The following BABAM2 variants were observed in gnomAD, a reference collection of about 807,000 sequenced individuals.
The protein encoded by BABAM2 is BRISC and BRCA1-A complex member 2.
In BABAM2, 31 loss-of-function variants were observed where a neutral mutation model predicts 54.7. The observed-to-expected ratio is 0.57, with a 90% CI of 0.43 to 0.77. The LOEUF is 0.77. BABAM2 is among the 30% of genes least tolerant of loss of function. The probability of loss-of-function intolerance (pLI) is 0.00; values close to 1 mark genes in which losing one functional copy is unlikely to be tolerated. For missense variants in BABAM2, 364 were observed against 455.8 expected, an observed-to-expected ratio of 0.80 and a Z score of 1.83; for synonymous variants, 167 against 162.9, an observed-to-expected ratio of 1.03 and a Z score of -0.19.
chr2:28,252,883 T>G (rs941733813), intron 10 of BABAM2, among the ~76,000 whole-genome samples: 1 of 152,216 alleles, frequency 6.6e-6, no homozygotes, highest in Non-Finnish European at 1.5e-5. Flanking sequence ...TCTCAGTGAT[T>G]TTTGACATGC....
At chr2:28,300,413 A>G (rs1688018511) in intron 11 of BABAM2, among the ~76,000 whole-genome samples, 1 of 152,250 alleles carries the variant, frequency 6.6e-6, no homozygotes. Flanking sequence ...AAAAACAAGC[A>G]TATGCAAATA....
At chr2:28,294,520 T>C (rs1424265623) in intron 10 of BABAM2, among the ~76,000 whole-genome samples, 2 of 152,220 alleles carry the variant, frequency 1.3e-5, no homozygotes, top group Admixed American at 6.5e-5. Flanking sequence ...GTAATTATTT[T>C]ACTATGCATC....
intron 10 of BABAM2, among the ~76,000 whole-genome samples, chr2:28,281,525 G>A (rs1686359306): frequency 1.3e-5 from 2 of 152,202 alleles, no homozygotes; most frequent in Admixed American, 6.5e-5. Context: ...AGCCTTTCCA[G>A]AGATGGAAGC....
intron 7 of BABAM2, among the ~76,000 whole-genome samples, chr2:28,136,473 G>C (rs948848297): frequency 6.6e-6 from 1 of 152,246 alleles, no homozygotes; most frequent in African/African-American, 2.4e-5. Context: ...TCCATTGACA[G>C]GTCTGGCTGG....
chr2:28,015,719 T>C, intron 4 of BABAM2: 1 of 1,022,888 alleles, frequency 9.8e-7, no homozygotes, highest in Non-Finnish European at 1.3e-6. Context: ...GTGCTTTCTT[T>C]ATAAGGGAAT....
At chr2:28,261,223 T>C (rs1684496679) in intron 10 of BABAM2, among the ~76,000 whole-genome samples, 1 of 152,186 alleles carries the variant, frequency 6.6e-6, no homozygotes. Flanking sequence ...ATTACGGGCA[T>C]GAGCCACTGC....
At chr2:28,225,749 A>G (rs1278379736) in intron 7 of BABAM2, among the ~76,000 whole-genome samples, 2 of 151,840 alleles carry the variant, frequency 1.3e-5, no homozygotes, top group Admixed American at 1.3e-4. Context: ...CCCACAGTCC[A>G]CGAGTTGCCT....
At chr2:27,963,228 G>A (rs1224513556) in intron 3 of BABAM2, among the ~76,000 whole-genome samples, 2 of 152,304 alleles carry the variant, frequency 1.3e-5, no homozygotes, top group East Asian at 3.9e-4. Flanking sequence ...CCAGCACTTT[G>A]GGAGGCTGAA....
intron 11 of BABAM2, chr2:28,327,447 G>A (rs1690572465): frequency 4.4e-6 from 7 of 1,577,618 alleles, no homozygotes; most frequent in Non-Finnish European, 5.2e-6. Context: ...TGATCACTTT[G>A]GTAAGTATTT....
At chr2:28,144,603 G>C (rs564608141) in intron 7 of BABAM2, among the ~76,000 whole-genome samples, 1 of 152,216 alleles carries the variant, frequency 6.6e-6, no homozygotes, top group Admixed American at 6.5e-5. Flanking sequence ...CTGAATTAAG[G>C]CTCCTTCTCT....
intron 11 of BABAM2, among the ~76,000 whole-genome samples, chr2:28,302,192 G>A (rs951354829): frequency 1.3e-5 from 2 of 152,074 alleles, no homozygotes; most frequent in African/African-American, 2.4e-5. Context: ...TGAAGCGGGC[G>A]GATCACCTGA....
chr2:28,165,011 A>G (rs1270750708), intron 7 of BABAM2, among the ~76,000 whole-genome samples: 3 of 151,950 alleles, frequency 2.0e-5, no homozygotes, highest in African/African-American at 7.3e-5. Flanking sequence ...GTTTTCACTT[A>G]TTTTTTCATT....
At chr2:27,920,501 A>G (rs1379651174) in intron 2 of BABAM2, among the ~76,000 whole-genome samples, 2 of 152,234 alleles carry the variant, frequency 1.3e-5, no homozygotes, top group African/African-American at 4.8e-5. Flanking sequence ...ATGAAAATGT[A>G]GTTAATATTA....
At chr2:28,039,389 C>CT (rs1177060196) in intron 5 of BABAM2, among the ~76,000 whole-genome samples, 1 of 152,206 alleles carries the variant, frequency 6.6e-6, no homozygotes, top group African/African-American at 2.4e-5. Flanking sequence ...TCTAGTTAGA[C>CT]TAACTTTGAC....
At chr2:28,119,802 C>T (rs1343188711) in intron 6 of BABAM2, among the ~76,000 whole-genome samples, 1 of 152,122 alleles carries the variant, frequency 6.6e-6, no homozygotes, top group Admixed American at 6.5e-5. Flanking sequence ...TTTTGGAAGA[C>T]ATGGGCAGGT....
Position 27,989,064 on chromosome 2 carries a change from G to A in BABAM2, c.300+977G>A, listed in dbSNP as rs550099110. On this transcript the variant is annotated intron_variant, in intron 4 of 11. Transcript: ENST00000379624. ...TAAAAATATTGTTGGCAAGAGTAAG[G>A]TGGATTCGTGGTGAAGTTTCTAATA... Among the ~76,000 whole-genome samples the A allele has an allele frequency of 7.9e-5, 12 of 152,184 alleles. No individual in the cohort carries two copies. The South Asian group carries it at 2.5e-3, about 32-fold the overall frequency.
intron 2 of BABAM2, among the ~76,000 whole-genome samples, chr2:27,899,470 C>T (rs1375187322): frequency 8.2e-6 from 1 of 121,518 alleles, no homozygotes; most frequent in Non-Finnish European, 1.8e-5. Flanking sequence ...ATCCACTAGT[C>T]CTAGTGTTTT....
At chr2:28,192,531 T>TC (rs1299323925) in intron 7 of BABAM2, among the ~76,000 whole-genome samples, 4 of 147,638 alleles carry the variant, frequency 2.7e-5, no homozygotes, top group East Asian at 2.0e-4. Context: ...TTTTTTTTTT[T>TC]TTTTTTTTGA....
At chr2:27,954,330 G>A (rs572231595) in intron 3 of BABAM2, among the ~76,000 whole-genome samples, 181 of 152,344 alleles carry the variant, frequency 1.2e-3, no homozygotes, top group African/African-American at 4.2e-3. Flanking sequence ...AGATTTGGTC[G>A]CTGGCCATTG....
Sources: gnomAD v4.1 joint callset for allele counts (sites outside exome capture counted in the v4.1 genomes callset) on GRCh38, gnomAD v4.1.1 for gene constraint, MANE v1.5 for transcripts, NCBI Gene and HGNC (gene_info 2026-07-23, HGNC 2026-07-21) for gene names.